The following PPP1R12A variants were observed in gnomAD, a reference collection of about 807,000 sequenced individuals.
The protein encoded by PPP1R12A is protein phosphatase 1 regulatory subunit 12A.
Under a neutral mutation model 139.6 loss-of-function variants are expected in PPP1R12A, and 19 were observed. That is an observed-to-expected ratio of 0.14 (90% CI 0.09 to 0.20). The LOEUF (loss-of-function observed/expected upper bound fraction) is 0.20. Among genes scored for constraint, PPP1R12A ranks in the 10% least tolerant of loss-of-function variants. PPP1R12A has a pLI of 1.00. For synonymous variants in PPP1R12A, 427 were observed against 420.6 expected, an observed-to-expected ratio of 1.02 and a Z score of -0.19; for missense variants, 925 against 1,211.5, an observed-to-expected ratio of 0.76 and a Z score of 3.51.
At chr12:79,927,650 T>C (rs1887945666) in intron 1 of PPP1R12A, among the ~76,000 whole-genome samples, 1 of 152,228 alleles carries the variant, frequency 6.6e-6, no homozygotes, top group Admixed American at 6.5e-5. Context: ...AGTTTCGGCA[T>C]CAAACAGACC....
chr12:79,831,347 C>T (rs1283369733), intron 4 of PPP1R12A, among the ~76,000 whole-genome samples: 1 of 152,132 alleles, frequency 6.6e-6, no homozygotes, highest in Non-Finnish European at 1.5e-5. Flanking sequence ...CTTTGGGAGG[C>T]TGAGGCAGGC....
At chr12:79,887,489 C>T (rs11838059) in intron 1 of PPP1R12A, among the ~76,000 whole-genome samples, 165 of 151,918 alleles carry the variant, frequency 1.1e-3, no homozygotes, top group African/African-American at 3.8e-3. Flanking sequence ...AATTTAACAG[C>T]GATATAGCGA....
Position 79,894,874 on chromosome 12 carries a change from C to T in PPP1R12A, c.238-21936G>A, listed in dbSNP as rs114778115. 5.4e-3 allele frequency among the ~76,000 whole-genome samples: 819 copies of T among 152,230 alleles called. 6 individuals are homozygous for T. The highest frequency in any genetic ancestry group is 0.019 in the African/African-American group (777 of 41,542). ...TTATGTTTGCTTTTAGCAGGTTGTC[C>T]GCCTTTCGTCTTGCTTTCAGCTGTC... On this transcript the variant is annotated intron_variant, in intron 1 of 24. Transcript: ENST00000450142.
At chr12:79,858,259 T>C (rs984322353) in intron 2 of PPP1R12A, among the ~76,000 whole-genome samples, 6 of 152,212 alleles carry the variant, frequency 3.9e-5, no homozygotes, top group African/African-American at 9.6e-5. Context: ...GACAAAATGA[T>C]AGTTTCCTTT....
Position 79,810,996 on chromosome 12 carries a change from G to A in PPP1R12A, c.1240-986C>T, listed in dbSNP as rs910118723. ...TACAAATATTTATGCTATTTTAAGG[G>A]CTTTCCAACAACCCTAAAAATGCAA... is the stretch of plus-strand genomic sequence containing the variant. On this transcript the variant is annotated intron_variant, in intron 9 of 24. Transcript: ENST00000450142. Among the ~76,000 whole-genome samples the A allele has an allele frequency of 3.9e-5, 6 of 151,914 alleles. No homozygotes were observed. In the East Asian group the frequency reaches 1.2e-3, roughly 29 times the overall value.
At position 79,776,987 on chromosome 12, in the gene PPP1R12A, A is replaced by G. The variant is rs546863802; in HGVS notation, c.3007-972T>C. On this transcript the variant is annotated intron_variant, in intron 24 of 24. Coordinates refer to ENST00000450142, the MANE Select transcript of PPP1R12A (RefSeq NM_002480.3). Reference sequence around the variant, plus strand: ...GAAGATTTAATTTTACGTGGAACCAATATGTTCTTATCTGTGTTCAGAATC... The same window carrying G: ...GAAGATTTAATTTTACGTGGAACCAGTATGTTCTTATCTGTGTTCAGAATC... 5.3e-5 allele frequency among the ~76,000 whole-genome samples: 8 copies of G among 152,200 alleles called. No individual in the cohort carries two copies. In the South Asian group the frequency reaches 8.3e-4, roughly 16 times the overall value.
At chr12:79,898,670 A>AT (rs1885353166) in intron 1 of PPP1R12A, among the ~76,000 whole-genome samples, 1 of 152,128 alleles carries the variant, frequency 6.6e-6, no homozygotes, top group African/African-American at 2.4e-5. Context: ...CTACTTTTCC[A>AT]TCTTCATGTT....
At chr12:79,821,753 A>C (rs1057470920) in intron 6 of PPP1R12A, among the ~76,000 whole-genome samples, 2 of 148,892 alleles carry the variant, frequency 1.3e-5, no homozygotes, top group East Asian at 3.9e-4. Context: ...CCCATCTCCA[A>C]AAAAAAAAAA....
At chr12:79,844,707 TTCAC>T (rs1202512182) in intron 3 of PPP1R12A, among the ~76,000 whole-genome samples, 2 of 152,172 alleles carry the variant, frequency 1.3e-5, no homozygotes, top group Admixed American at 1.3e-4. Flanking sequence ...GGCTTCCTAT[TTCAC>T]TCAGGTTAAA....
At chr12:79,897,553 G>A (rs1301845469) in intron 1 of PPP1R12A, among the ~76,000 whole-genome samples, 5 of 151,932 alleles carry the variant, frequency 3.3e-5, no homozygotes, top group Admixed American at 6.6e-5. Context: ...AAGAAAATCA[G>A]GTTACCAAAA....
chr12:79,895,811 T>G (rs1885076922), intron 1 of PPP1R12A, among the ~76,000 whole-genome samples: 1 of 152,112 alleles, frequency 6.6e-6, no homozygotes, highest in Non-Finnish European at 1.5e-5. Flanking sequence ...TACAAAAAAA[T>G]GAATCATGAC....
intron 3 of PPP1R12A, among the ~76,000 whole-genome samples, chr12:79,838,024 C>T (rs1878287516): frequency 6.6e-6 from 1 of 152,150 alleles, no homozygotes; most frequent in Admixed American, 6.5e-5. Context: ...GAGGCTGGAA[C>T]AGTTTAGAGG....
intron 3 of PPP1R12A, among the ~76,000 whole-genome samples, chr12:79,837,011 T>C (rs992958459): frequency 3.3e-5 from 5 of 152,210 alleles, no homozygotes; most frequent in Admixed American, 3.3e-4. Context: ...ACATATAAAG[T>C]GTTTTAGATC....
chr12:79,920,322 T>C (rs181481969), intron 1 of PPP1R12A, among the ~76,000 whole-genome samples: 5 of 152,338 alleles, frequency 3.3e-5, no homozygotes, highest in Admixed American at 1.3e-4. Flanking sequence ...GCCATGAACA[T>C]TACTATACAC....
intron 12 of PPP1R12A, 62 bp from the exon 13 acceptor site, chr12:79,806,395 T>A: frequency 7.2e-7 from 1 of 1,388,594 alleles, no homozygotes; most frequent in Non-Finnish European, 9.7e-7. Flanking sequence ...AGTTAATGTC[T>A]ATACATTATA....
At chr12:79,889,948 G>C (rs1418042546) in intron 1 of PPP1R12A, among the ~76,000 whole-genome samples, 1 of 152,014 alleles carries the variant, frequency 6.6e-6, no homozygotes, top group African/African-American at 2.4e-5. Flanking sequence ...AATTTAAAAG[G>C]GTTCTGCCCT....
intron 1 of PPP1R12A, among the ~76,000 whole-genome samples, chr12:79,888,199 C>T (rs945232656): frequency 6.6e-6 from 1 of 152,076 alleles, no homozygotes; most frequent in East Asian, 1.9e-4. Context: ...TAACTAAACA[C>T]ACAACAACAA....
chr12:79,876,502 C>T (rs1255055710), intron 1 of PPP1R12A, among the ~76,000 whole-genome samples: 3 of 152,174 alleles, frequency 2.0e-5, no homozygotes, highest in Non-Finnish European at 4.4e-5. Context: ...GGGAATCTCA[C>T]AGAGATGCTC....
At chr12:79,849,840 G>T (rs1041910460) in intron 2 of PPP1R12A, among the ~76,000 whole-genome samples, 3 of 152,020 alleles carry the variant, frequency 2.0e-5, no homozygotes, top group Non-Finnish European at 4.4e-5. Context: ...CTTTATTTTT[G>T]AAGAGACAGT....
Sources: gnomAD v4.1 joint callset for allele counts (sites outside exome capture counted in the v4.1 genomes callset) on GRCh38, gnomAD v4.1.1 for gene constraint, MANE v1.5 for transcripts, NCBI Gene and HGNC (gene_info 2026-07-23, HGNC 2026-07-21) for gene names.